Variants in NOL4 observed in about 807,000 individuals in gnomAD.
The protein encoded by NOL4 is nucleolar protein 4, also known as cancer/testis antigen 125.
NOL4 carries 17 observed loss-of-function variants against 75.9 expected under a neutral mutation model. The ratio of observed to expected loss-of-function variants is 0.22; its 90% CI spans 0.15 to 0.34. NOL4 has a LOEUF of 0.34. Ranked by LOEUF, NOL4 falls within the 10% of genes least tolerant of loss-of-function variation. The probability of loss-of-function intolerance (pLI) is 1.00; values close to 1 mark genes in which losing one functional copy is unlikely to be tolerated. For missense variants in NOL4, 614 were observed against 793.5 expected (o/e 0.77, Z 2.72); for synonymous variants, 292 against 289.9 (o/e 1.01, Z -0.07).
intron 9 of NOL4, among the ~76,000 whole-genome samples, chr18:33,912,294 G>T (rs2066456769): frequency 6.6e-6 from 1 of 151,874 alleles, no homozygotes; most frequent in South Asian, 2.1e-4. Context: ...TAGCATTTTG[G>T]AAGGAAGTAC....
At chr18:34,048,849 T>C (rs1455182101) in intron 5 of NOL4, among the ~76,000 whole-genome samples, 1 of 152,102 alleles carries the variant, frequency 6.6e-6, no homozygotes, top group Non-Finnish European at 1.5e-5. Context: ...CACAGAGTTA[T>C]TTAATAAAAG....
At chr18:33,868,225 T>C (rs1242163225) in intron 10 of NOL4, among the ~76,000 whole-genome samples, 1 of 149,482 alleles carries the variant, frequency 6.7e-6, no homozygotes, top group African/African-American at 2.5e-5. Context: ...TTTTTTTTTT[T>C]CAGAGATGGG....
At chr18:34,019,218 T>C (rs1222186572) in intron 6 of NOL4, 100 bp downstream of exon 6, 2 of 971,608 alleles carry the variant, frequency 2.1e-6, no homozygotes, top group East Asian at 2.6e-5. Flanking sequence ...TTGTTTATAA[T>C]ATTTTTATTA....
At chr18:34,122,229 C>A (rs2080176577) in intron 2 of NOL4, among the ~76,000 whole-genome samples, 1 of 151,958 alleles carries the variant, frequency 6.6e-6, no homozygotes, top group South Asian at 2.1e-4. Context: ...AAATGGGGAG[C>A]AGAAGAGATA....
intron 1 of NOL4, among the ~76,000 whole-genome samples, chr18:34,149,805 T>C (rs1161324057): frequency 6.6e-6 from 1 of 151,648 alleles, no homozygotes; most frequent in African/African-American, 2.4e-5. Flanking sequence ...AGAAAATGCT[T>C]AGTGATCATT....
At chr18:33,883,047 G>T (rs1428753496) in intron 10 of NOL4, among the ~76,000 whole-genome samples, 197 bp downstream of exon 10, 2 of 151,854 alleles carry the variant, frequency 1.3e-5, no homozygotes, top group African/African-American at 4.9e-5. Flanking sequence ...CACACTCTGG[G>T]GACTGTTGTG....
At chr18:34,114,684 T>C (rs1360671584) in intron 2 of NOL4, among the ~76,000 whole-genome samples, 1 of 152,200 alleles carries the variant, frequency 6.6e-6, no homozygotes, top group Non-Finnish European at 1.5e-5. Context: ...CAGTAACTTT[T>C]TGATAAATTG....
chr18:33,865,862 CTATT>C (rs2063406964), intron 10 of NOL4, among the ~76,000 whole-genome samples: 2 of 152,108 alleles, frequency 1.3e-5, no homozygotes, highest in African/African-American at 2.4e-5. Flanking sequence ...TTACACTTCT[CTATT>C]TAGTTAACAT....
At chr18:33,905,266 G>A (rs1248020290) in intron 9 of NOL4, among the ~76,000 whole-genome samples, 3 of 152,002 alleles carry the variant, frequency 2.0e-5, no homozygotes, top group South Asian at 4.1e-4. Context: ...GACCAGGAGG[G>A]GTCTTCTTAA....
Position 33,897,165 on chromosome 18 carries a change from TG to T in NOL4, c.1543-13742del, listed in dbSNP as rs571007635. Among the ~76,000 whole-genome samples the T allele has an allele frequency of 5.5e-4, 84 of 152,248 alleles. 1 individual carries two copies. The highest frequency in any genetic ancestry group is 2.4e-3 in the Admixed American group (36 of 15,272). On this transcript the variant is annotated intron_variant, in intron 9 of 10. Coordinates refer to ENST00000261592, the MANE Select transcript of NOL4 (RefSeq NM_003787.5). ...AAAGGGAACACTTACACCTTGTTGG[TG>T]GGGGTGTAAATCAGTTCAACCATTG...
At chr18:34,130,086 A>C in intron 1 of NOL4, 66 bp from the exon 2 acceptor site, 1 of 1,371,804 alleles carries the variant, frequency 7.3e-7, no homozygotes, top group African/African-American at 1.5e-5. Flanking sequence ...TTAATACACA[A>C]ATTGTTTAAA....
chr18:34,086,709 A>G (rs1254617224), intron 5 of NOL4, among the ~76,000 whole-genome samples: 1 of 152,116 alleles, frequency 6.6e-6, no homozygotes, highest in South Asian at 2.1e-4. Context: ...TTATTCACAT[A>G]TAAACTGGGC....
intron 9 of NOL4, among the ~76,000 whole-genome samples, chr18:33,915,373 T>G (rs917193528): frequency 6.6e-6 from 1 of 152,094 alleles, no homozygotes; most frequent in Non-Finnish European, 1.5e-5. Flanking sequence ...ATGTGGAAAC[T>G]GAGGGAAGGT....
rs562672831 is a variant in NOL4, at chr18:33,902,465, C to T, written c.1543-19041G>A. On this transcript the variant is annotated intron_variant, in intron 9 of 10. Transcript: ENST00000261592. Reference sequence around the variant, plus strand: ...TTTTAACTGTTGTTGTAGACTGATGCGGAAATGTTTTATATAGAAAAGCAA... The same window carrying T: ...TTTTAACTGTTGTTGTAGACTGATGTGGAAATGTTTTATATAGAAAAGCAA... 1.2e-4 allele frequency among the ~76,000 whole-genome samples: 19 copies of T among 152,152 alleles called. No individual in the cohort carries two copies. The South Asian group carries it at 2.7e-3, about 22-fold the overall frequency.
At position 33,852,876 on chromosome 18, in the gene NOL4, T is replaced by G; in HGVS notation, c.1883A>C (p.Asp628Ala). Residue 628 changes from aspartate to alanine, a missense_variant, in exon 11 of 11, where the codon GAT becomes GCT. Around this residue, in one of 9 missense-constraint regions of NOL4, gnomAD observed 128 missense variants for 159.9 expected, o/e 0.80. Coordinates refer to ENST00000261592, the MANE Select transcript of NOL4 (RefSeq NM_003787.5). Reference protein sequence around the residue: ...ESAAFLLRSADELENLILQQN With the variant: ...ESAAFLLRSAAELENLILQQN The stretch of plus-strand genomic sequence containing the variant: ...TTGTAAAATGAGATTTTCCAGTTCA[T>G]CTGCAGATCGCAATAAAAATGCAGC... The G allele has an allele frequency of 6.2e-7, 1 of 1,612,924 alleles. No individual in the cohort carries two copies. The highest frequency in any genetic ancestry group is 8.5e-7 in the Non-Finnish European group (1 of 1,179,356).
intron 6 of NOL4, among the ~76,000 whole-genome samples, chr18:33,984,092 T>A (rs1224437616): frequency 6.6e-6 from 1 of 152,030 alleles, no homozygotes; most frequent in Non-Finnish European, 1.5e-5. Context: ...ATACCTTACA[T>A]GTGAGAGGGT....
chr18:34,165,129 A>G (rs1386932407), intron 1 of NOL4, among the ~76,000 whole-genome samples: 2 of 151,426 alleles, frequency 1.3e-5, no homozygotes, highest in Admixed American at 1.3e-4. Flanking sequence ...ATTAGGAGAT[A>G]TACCTAATGC....
chr18:33,912,010 G>A (rs2066439206), intron 9 of NOL4, among the ~76,000 whole-genome samples: 1 of 151,930 alleles, frequency 6.6e-6, no homozygotes, highest in African/African-American at 2.4e-5. Context: ...TGGGACCTGG[G>A]TCTAACAACT....
intron 1 of NOL4, among the ~76,000 whole-genome samples, chr18:34,153,426 T>C (rs1176915092): frequency 6.6e-6 from 1 of 152,008 alleles, no homozygotes; most frequent in Non-Finnish European, 1.5e-5. Flanking sequence ...GAGTGCTTAA[T>C]ATGTACTCCA....
Sources: allele counts gnomAD v4.1 joint callset (sites outside exome capture counted in the v4.1 genomes callset), GRCh38; gene constraint gnomAD v4.1.1; regional missense constraint gnomAD v4.1.1; transcripts MANE v1.5; gene names NCBI Gene and HGNC (gene_info 2026-07-23, HGNC 2026-07-21).